SCAPER: variants seen among roughly 807,000 people sequenced by gnomAD.
The protein encoded by SCAPER is S phase cyclin A-associated protein in the endoplasmic reticulum.
In SCAPER, 98 loss-of-function variants were observed where a neutral mutation model predicts 182.2. The ratio of observed to expected loss-of-function variants is 0.54; its 90% CI spans 0.46 to 0.64. SCAPER has a LOEUF of 0.64. Ranked by LOEUF, SCAPER falls within the 30% of genes least tolerant of loss-of-function variation. SCAPER has a pLI of 0.00. For synonymous variants in SCAPER, 605 were observed against 564.6 expected, an observed-to-expected ratio of 1.07 and a Z score of -1.01; for missense variants, 1,432 against 1,690.0, an observed-to-expected ratio of 0.85 and a Z score of 2.68.
intron 5 of SCAPER, among the ~76,000 whole-genome samples, chr15:76,830,576 G>C (rs544579007): frequency 2.0e-5 from 3 of 152,118 alleles, no homozygotes; most frequent in Non-Finnish European, 4.4e-5. Context: ...GGTTTTGTGA[G>C]GTGAGGGGAG....
chr15:76,586,188 G>A (rs2048641654), intron 22 of SCAPER, among the ~76,000 whole-genome samples: 3 of 152,042 alleles, frequency 2.0e-5, no homozygotes, highest in Non-Finnish European at 4.4e-5. Flanking sequence ...ATGGGGTGGT[G>A]GGGTGGTCCA....
At chr15:76,352,557 C>T (rs1471320944) in intron 30 of SCAPER, among the ~76,000 whole-genome samples, 2 of 150,084 alleles carry the variant, frequency 1.3e-5, no homozygotes, top group Admixed American at 1.3e-4. Context: ...TCTTGGCTCA[C>T]TGCAACCTCT....
At chr15:76,703,872 T>C (rs1453707246) in intron 18 of SCAPER, among the ~76,000 whole-genome samples, 1 of 152,156 alleles carries the variant, frequency 6.6e-6, no homozygotes, top group Non-Finnish European at 1.5e-5. Context: ...CTACAATAAA[T>C]TTAAACGCAT....
At position 76,603,763 on chromosome 15, in the gene SCAPER, G is replaced by A. The variant is rs1210124242; in HGVS notation, c.2711+18001C>T. The stretch of plus-strand genomic sequence containing the variant: ...TGGTATCTCATTGTGGTTTTGATTT[G>A]CATTTCTCTGATGGACAGTGATGAT... On this transcript the variant is annotated intron_variant, in intron 22 of 31. Transcript: ENST00000563290. 5.8e-5 allele frequency among the ~76,000 whole-genome samples: 7 copies of A among 121,710 alleles called. 1 individual carries two copies. The highest frequency in any genetic ancestry group is 1.8e-4 in the African/African-American group (7 of 39,796). 79.8% of individuals were successfully genotyped at this position (121,710 alleles called of 152,430 possible). A position where few individuals can be genotyped will look rare whatever the true frequency, so the allele number is the denominator to read the frequency against.
In SCAPER at chr15:76,593,343, C is replaced by T. The variant is rs1336240604; in HGVS notation, c.2712-19059G>A. Among the ~76,000 whole-genome samples, 2 of 121,332 alleles carry T rather than the reference C, an allele frequency of 1.6e-5. 1 individual carries two copies. Among genetic ancestry groups the T allele is most frequent in the East Asian group, 4.5e-4 (2 of 4,490 alleles). The allele number at this position is 121,332 out of a possible 152,430, so 79.6% of individuals were successfully genotyped here. A position where few individuals can be genotyped will look rare whatever the true frequency, so the allele number is the denominator to read the frequency against. ...CAGTCAGGGGCTTATAGATAAAACT[C>T]CCATCTCCCTGGGGCAGAGCACCTG... On this transcript the variant is annotated intron_variant, in intron 22 of 31. Coordinates refer to ENST00000563290, the MANE Select transcript of SCAPER (RefSeq NM_020843.4).
rs1387115514 is a variant in SCAPER, at chr15:76,637,774, G to A, written c.2646-15945C>T. On this transcript the variant is annotated intron_variant, in intron 21 of 31. Coordinates refer to ENST00000563290, the MANE Select transcript of SCAPER (RefSeq NM_020843.4). The stretch of plus-strand genomic sequence containing the variant: ...TGTGTGTGTGTGTGTGTGTGTGTGT[G>A]TGTGTGTGTGTGTGTGTGTGTGTGT... 8.6e-4 allele frequency among the ~76,000 whole-genome samples: 122 copies of A among 142,586 alleles called. 3 individuals are homozygous for A. Among genetic ancestry groups the A allele is most frequent in the Middle Eastern group, 3.6e-3 (1 of 276 alleles). 93.5% of individuals were successfully genotyped at this position (142,586 alleles called of 152,430 possible).
chr15:76,464,127 A>G (rs1326335638), intron 25 of SCAPER, among the ~76,000 whole-genome samples: 1 of 147,986 alleles, frequency 6.8e-6, no homozygotes, highest in Non-Finnish European at 1.5e-5. Context: ...GAACTTTTTC[A>G]TCTCACTTGA....
intron 30 of SCAPER, among the ~76,000 whole-genome samples, chr15:76,353,532 A>G (rs184246847): frequency 6.0e-4 from 91 of 152,368 alleles, no homozygotes; most frequent in African/African-American, 2.1e-3. Flanking sequence ...TATACATATA[A>G]GAAAATCATA....
intron 22 of SCAPER, among the ~76,000 whole-genome samples, chr15:76,605,690 T>C (rs990126588): frequency 6.6e-6 from 1 of 152,220 alleles, no homozygotes; most frequent in Admixed American, 6.5e-5. Flanking sequence ...AATTATTGCC[T>C]CAATTTCAGA....
chr15:76,722,092 A>G (rs534351511), intron 17 of SCAPER, among the ~76,000 whole-genome samples: 2 of 152,226 alleles, frequency 1.3e-5, no homozygotes, highest in South Asian at 2.1e-4. Context: ...TTATTTTGAG[A>G]TTTGTCCCAT....
At chr15:76,445,810 C>T (rs188518867) in intron 25 of SCAPER, among the ~76,000 whole-genome samples, 3 of 152,178 alleles carry the variant, frequency 2.0e-5, no homozygotes, top group Admixed American at 1.3e-4. Context: ...CTCCATGCAC[C>T]CCGGGTGGAG....
At chr15:76,680,830 G>T (rs2146990057) in intron 20 of SCAPER, among the ~76,000 whole-genome samples, 2 of 152,170 alleles carry the variant, frequency 1.3e-5, no homozygotes, top group East Asian at 3.8e-4. Context: ...TAGCAGAACT[G>T]TCAGCTAAAG....
chr15:76,364,151 CAA>C (rs1023738679), intron 29 of SCAPER, among the ~76,000 whole-genome samples: 1 of 152,204 alleles, frequency 6.6e-6, no homozygotes, highest in East Asian at 1.9e-4. Context: ...CAGAGAAACA[CAA>C]AGAGTCCTTT....
chr15:76,398,849 C>T (rs186752865), intron 27 of SCAPER, among the ~76,000 whole-genome samples: 13 of 152,354 alleles, frequency 8.5e-5, no homozygotes, highest in African/African-American at 2.9e-4. Context: ...AACTCTTTTA[C>T]TGTGGGTCCA....
chr15:76,836,000 G>A (rs1168472850), intron 5 of SCAPER, among the ~76,000 whole-genome samples: 1 of 143,696 alleles, frequency 7.0e-6, no homozygotes, highest in African/African-American at 2.6e-5. Context: ...CCTACAATGA[G>A]AATTACAAAA....
chr15:76,412,266 A>C (rs145409554), intron 26 of SCAPER, among the ~76,000 whole-genome samples: 2 of 152,164 alleles, frequency 1.3e-5, no homozygotes, highest in African/African-American at 2.4e-5. Context: ...TGATGAGTAC[A>C]TGGCATTATA....
At chr15:76,513,819 T>G (rs764102642) in intron 23 of SCAPER, among the ~76,000 whole-genome samples, 4 of 152,230 alleles carry the variant, frequency 2.6e-5, no homozygotes, top group Non-Finnish European at 4.4e-5. Context: ...ACTGCCACCT[T>G]TCCAACTTGT....
chr15:76,875,864 G>A (rs1414635364), intron 2 of SCAPER, among the ~76,000 whole-genome samples: 2 of 152,208 alleles, frequency 1.3e-5, no homozygotes, highest in East Asian at 1.9e-4. Flanking sequence ...TGCAAAGAGC[G>A]AAAGAGCAGG....
At position 76,691,196 on chromosome 15, in the gene SCAPER, C is replaced by T. The variant is rs529907360; in HGVS notation, c.2508+10562G>A. Among the ~76,000 whole-genome samples the T allele has an allele frequency of 5.9e-5, 9 of 152,008 alleles. No homozygotes were observed. The South Asian group carries it at 1.4e-3, about 24-fold the overall frequency. ...TCAGTGGACAGACACAAAATCAATA[C>T]ACAGAAATGTACAGATTTACTTTGA... On this transcript the variant is annotated intron_variant, in intron 20 of 31. Coordinates refer to ENST00000563290, the MANE Select transcript of SCAPER (RefSeq NM_020843.4).
Sources: allele counts gnomAD v4.1 joint callset (sites outside exome capture counted in the v4.1 genomes callset), GRCh38; gene constraint gnomAD v4.1.1; transcripts MANE v1.5; gene names NCBI Gene and HGNC (gene_info 2026-07-23, HGNC 2026-07-21).